Variants in DISC1 observed in about 807,000 individuals in gnomAD.
DISC1 encodes DISC1 scaffold protein, also known as disrupted in schizophrenia 1 protein.
DISC1 carries 57 observed loss-of-function variants against 84.5 expected under a neutral mutation model. The ratio of observed to expected loss-of-function variants is 0.67; its 90% CI spans 0.55 to 0.84. The LOEUF (loss-of-function observed/expected upper bound fraction) is 0.84, where lower values mean the gene tolerates loss of function less well. DISC1 is among the 40% of genes least tolerant of loss of function. The pLI is 0.00. For missense variants in DISC1, 1,000 were observed against 1,057.8 expected (o/e 0.95, Z 0.76); for synonymous variants, 411 against 415.2 (o/e 0.99, Z 0.12).
intron 1 of DISC1, among the ~76,000 whole-genome samples, chr1:231,692,487 G>A (rs1011652335): frequency 2.0e-5 from 3 of 152,240 alleles, no homozygotes; most frequent in African/African-American, 7.2e-5. Flanking sequence ...TTAGGAGATG[G>A]CATGTGCCAT....
At chr1:231,922,402 T>G (rs921246445) in intron 9 of DISC1, among the ~76,000 whole-genome samples, 1 of 152,166 alleles carries the variant, frequency 6.6e-6, no homozygotes, top group Non-Finnish European at 1.5e-5. Context: ...CATTTAATCC[T>G]CACACTGAGC....
intron 9 of DISC1, among the ~76,000 whole-genome samples, chr1:231,844,858 C>T (rs1032984287): frequency 6.2e-5 from 9 of 145,448 alleles, no homozygotes; most frequent in Non-Finnish European, 8.9e-5. Flanking sequence ...ACCTGGGAGG[C>T]GGAGCTTGCA....
chr1:231,779,531 C>A (rs984252662), intron 6 of DISC1, among the ~76,000 whole-genome samples: 2 of 139,642 alleles, frequency 1.4e-5, no homozygotes, highest in Non-Finnish European at 3.1e-5. Flanking sequence ...AATATGTATA[C>A]TTGGTCAACC....
Position 232,018,735 on chromosome 1 carries a change from C to T in DISC1, c.2308-7700C>T, listed in dbSNP as rs893538159. On this transcript the variant is annotated intron_variant, in intron 11 of 12. Transcript: ENST00000439617. ...TGAGTCGGTGCTACTGAATCATACC[C>T]GTGTGGAGGGACAGCAGGGAAGATG... Among the ~76,000 whole-genome samples the T allele has an allele frequency of 3.3e-5, 5 of 152,198 alleles. No individual in the cohort carries two copies. The South Asian group carries it at 6.2e-4, about 19-fold the overall frequency.
rs147613012 is a variant in DISC1, at chr1:231,650,871, G to C, written c.67+23937G>C. 3.4e-3 allele frequency among the ~76,000 whole-genome samples: 511 copies of C among 152,246 alleles called. 7 individuals are homozygous for C. Among genetic ancestry groups the C allele is most frequent in the African/African-American group, 0.012 (490 of 41,538 alleles). ...GGTCAAATCAGCTATTGAAGCTTGTGCATGCGTCATGTAGTTCTTGTGCCA... is the reference window on the plus strand; with the variant it reads ...GGTCAAATCAGCTATTGAAGCTTGTCCATGCGTCATGTAGTTCTTGTGCCA... On this transcript the variant is annotated intron_variant, in intron 1 of 12. Transcript: ENST00000439617.
At position 231,630,866 on chromosome 1, in the gene DISC1, T is replaced by C. The variant is rs975107267; in HGVS notation, c.67+3932T>C. ...TGAGCTTTCAAATGTTCACACCAAG[T>C]AGAAGCAGGAAGGGAGAACTGTGGC... On this transcript the variant is annotated intron_variant, in intron 1 of 12. Coordinates refer to ENST00000439617, the MANE Select transcript of DISC1 (RefSeq NM_018662.3). The surrounding 1 kb of genome is among the most constrained non-coding windows in gnomAD (Gnocchi z 4.4). Among the ~76,000 whole-genome samples the C allele has an allele frequency of 6.6e-6, 1 of 152,212 alleles. No homozygotes were observed. The highest frequency in any genetic ancestry group is 1.9e-4 in the East Asian group (1 of 5,184).
At chr1:231,777,537 A>C (rs1409219679) in intron 6 of DISC1, among the ~76,000 whole-genome samples, 1 of 152,146 alleles carries the variant, frequency 6.6e-6, no homozygotes, top group Non-Finnish European at 1.5e-5. Context: ...TAAGTAAAGT[A>C]GACATCTTGC....
intron 9 of DISC1, among the ~76,000 whole-genome samples, chr1:231,899,404 G>A (rs9431720): frequency 0.69 from 104,155 of 152,032 alleles, 36,358 homozygotes; most frequent in East Asian, 0.98. Flanking sequence ...CCTTTGGGTG[G>A]GTGTGGGCCA....
intron 1 of DISC1, among the ~76,000 whole-genome samples, chr1:231,628,296 A>C (rs1412650686): frequency 2.0e-5 from 3 of 152,294 alleles, no homozygotes; most frequent in Non-Finnish European, 4.4e-5. Context: ...ATCTGTTTAC[A>C]AAAAAGATAA....
At position 231,770,887 on chromosome 1, in the gene DISC1, A is replaced by G. The variant is rs199502948; in HGVS notation, c.1451A>G (p.Gln484Arg). The change falls in exon 6 of 13, where the codon CAA (glutamine) becomes CGA (arginine). Residue 484 changes from glutamine to arginine, a missense_variant. Coordinates refer to ENST00000439617, the MANE Select transcript of DISC1 (RefSeq NM_018662.3). Reference sequence around the variant, plus strand: ...ATGTTTGTGCTGGAAGCCAAAGATCAACAGCTGAGAAGGGAAATAGAGGAG... The same window carrying G: ...ATGTTTGTGCTGGAAGCCAAAGATCGACAGCTGAGAAGGGAAATAGAGGAG... ...ARMFVLEAKD[Q>R]QLRREIEEQE... 54 of 1,614,246 alleles carry G rather than the reference A, an allele frequency of 3.3e-5. 1 individual carries two copies. In the African/African-American group the frequency reaches 4.4e-4, roughly 13 times the overall value.
chr1:231,697,035 T>A (rs949004532), intron 2 of DISC1, among the ~76,000 whole-genome samples: 3 of 152,190 alleles, frequency 2.0e-5, no homozygotes, highest in African/African-American at 7.2e-5. Flanking sequence ...TTTGCCTCAA[T>A]AGGAGGAAGA....
intron 11 of DISC1, among the ~76,000 whole-genome samples, chr1:232,016,925 A>T (rs1205325523): frequency 6.6e-6 from 1 of 152,188 alleles, no homozygotes; most frequent in African/African-American, 2.4e-5. Context: ...AGTAATAAAG[A>T]TATACCCTTA....
chr1:231,704,529 G>A (rs758909240), intron 3 of DISC1, among the ~76,000 whole-genome samples: 11 of 152,076 alleles, frequency 7.2e-5, no homozygotes, highest in African/African-American at 1.2e-4. Flanking sequence ...GTCCGAGGCG[G>A]GTGGATCACG....
At chr1:231,855,657 T>C (rs2084216214) in intron 9 of DISC1, among the ~76,000 whole-genome samples, 1 of 152,236 alleles carries the variant, frequency 6.6e-6, no homozygotes, top group South Asian at 2.1e-4. Flanking sequence ...CTCTCCTTCC[T>C]AAGGATGGCT....
chr1:231,685,720 G>A (rs1472807770), intron 1 of DISC1, among the ~76,000 whole-genome samples: 1 of 152,092 alleles, frequency 6.6e-6, no homozygotes, highest in African/African-American at 2.4e-5. Flanking sequence ...CAAAGAGCTG[G>A]GATTACAGGC....
intron 9 of DISC1, among the ~76,000 whole-genome samples, chr1:231,949,920 T>C (rs550562866): frequency 5.3e-5 from 8 of 152,324 alleles, no homozygotes; most frequent in Admixed American, 2.0e-4. Context: ...CCCAAGTGGG[T>C]CTGAATTTTT....
intron 6 of DISC1, among the ~76,000 whole-genome samples, chr1:231,773,865 G>GAAC (rs1350725479): frequency 6.6e-6 from 1 of 152,122 alleles, no homozygotes; most frequent in East Asian, 1.9e-4. Flanking sequence ...GTCAGGTCAA[G>GAAC]AACAGGCTGC....
chr1:231,851,960 T>C (rs2083931464), intron 9 of DISC1, among the ~76,000 whole-genome samples: 1 of 152,146 alleles, frequency 6.6e-6, no homozygotes, highest in Non-Finnish European at 1.5e-5. Flanking sequence ...CTCTCCTTCA[T>C]GGGAGAGGGT....
intron 10 of DISC1, among the ~76,000 whole-genome samples, chr1:231,991,986 A>G (rs1665267455): frequency 6.6e-6 from 1 of 152,168 alleles, no homozygotes; most frequent in Non-Finnish European, 1.5e-5. Context: ...AAATGGCTGT[A>G]TGATATGTAA....
Sources: gnomAD v4.1 joint callset for allele counts (sites outside exome capture counted in the v4.1 genomes callset) on GRCh38, gnomAD v4.1.1 for gene constraint, Gnocchi (gnomAD v3.1) non-coding constraint, MANE v1.5 for transcripts, NCBI Gene and HGNC (gene_info 2026-07-23, HGNC 2026-07-21) for gene names.